ARMH3: variants seen among roughly 807,000 people sequenced by gnomAD.
The protein encoded by ARMH3 is armadillo-like helical domain-containing protein 3.
Under a neutral mutation model 99.1 loss-of-function variants are expected in ARMH3, and 60 were observed. The ratio of observed to expected loss-of-function variants is 0.61; its 90% CI spans 0.49 to 0.75. The LOEUF (loss-of-function observed/expected upper bound fraction) is 0.75, where lower values mean the gene tolerates loss of function less well. Ranked by LOEUF, ARMH3 falls within the 30% of genes least tolerant of loss-of-function variation. The pLI, the probability that ARMH3 is intolerant of heterozygous loss-of-function variation, is 0.00. For synonymous variants in ARMH3, 285 were observed against 292.8 expected, an observed-to-expected ratio of 0.97 and a Z score of 0.27; for missense variants, 679 against 843.1, an observed-to-expected ratio of 0.81 and a Z score of 2.41.
intron 23 of ARMH3, among the ~76,000 whole-genome samples, chr10:101,919,863 A>G (rs948674274): frequency 2.0e-5 from 3 of 151,944 alleles, no homozygotes; most frequent in Non-Finnish European, 4.4e-5. Flanking sequence ...GTAGATTCTT[A>G]TCCTCTGCCT....
intron 4 of ARMH3, among the ~76,000 whole-genome samples, chr10:102,032,139 T>C (rs1014611124): frequency 1.8e-4 from 28 of 151,994 alleles, no homozygotes; most frequent in African/African-American, 6.5e-4. Flanking sequence ...TTTGTCACCA[T>C]TCATTCAATA....
intron 20 of ARMH3, among the ~76,000 whole-genome samples, chr10:101,960,549 G>A (rs1845247650): frequency 2.0e-5 from 3 of 152,106 alleles, no homozygotes; most frequent in Admixed American, 2.0e-4. Context: ...TGGTGACTAA[G>A]CTGGGACTAG....
chr10:101,954,826 T>C (rs1326441077), intron 22 of ARMH3, among the ~76,000 whole-genome samples: 1 of 152,228 alleles, frequency 6.6e-6, no homozygotes, highest in African/African-American at 2.4e-5. Flanking sequence ...CTAGTTAACA[T>C]TTTTACTCCC....
chr10:101,963,746 T>C (rs985511407), intron 20 of ARMH3, among the ~76,000 whole-genome samples: 2 of 148,438 alleles, frequency 1.3e-5, no homozygotes, highest in African/African-American at 5.0e-5. Context: ...ATTACAGGCA[T>C]GGGCCACTGC....
chr10:102,035,773 G>A (rs1238752926), intron 2 of ARMH3, among the ~76,000 whole-genome samples: 2 of 152,220 alleles, frequency 1.3e-5, no homozygotes, highest in South Asian at 4.1e-4. Context: ...CCTCCCAGCC[G>A]CCTGCCTTGG....
chr10:102,049,083 A>G (rs2067627970), intron 1 of ARMH3, among the ~76,000 whole-genome samples: 1 of 151,938 alleles, frequency 6.6e-6, no homozygotes, highest in African/African-American at 2.4e-5. Context: ...CACTTGCTAG[A>G]TCACATCCTA....
chr10:101,886,068 A>AG (rs2067534133), intron 24 of ARMH3, among the ~76,000 whole-genome samples: 1 of 151,812 alleles, frequency 6.6e-6, no homozygotes, highest in Admixed American at 6.6e-5. Context: ...AAAAAAAAAA[A>AG]GGGGGTTAAA....
At chr10:101,851,070 C>CT (rs1416265183) in intron 24 of ARMH3, among the ~76,000 whole-genome samples, 1 of 152,206 alleles carries the variant, frequency 6.6e-6, no homozygotes, top group Admixed American at 6.5e-5. Context: ...CTGGATTGAA[C>CT]TTTAGGGCAT....
intron 24 of ARMH3, among the ~76,000 whole-genome samples, chr10:101,858,277 G>T (rs1395816742): frequency 1.3e-5 from 2 of 152,202 alleles, no homozygotes; most frequent in African/African-American, 4.8e-5. Flanking sequence ...TTAAGAGCAC[G>T]GCTCTAGAGT....
chr10:101,910,487 T>C (rs2135543640), intron 23 of ARMH3, among the ~76,000 whole-genome samples: 1 of 152,274 alleles, frequency 6.6e-6, no homozygotes. Flanking sequence ...CCCAGCATTT[T>C]GGGAGGCCGA....
chr10:101,974,210 T>G (rs930747414), intron 20 of ARMH3, among the ~76,000 whole-genome samples: 9 of 152,174 alleles, frequency 5.9e-5, no homozygotes, highest in Admixed American at 5.9e-4. Flanking sequence ...TAACTAAAGA[T>G]CTCTACTTCC....
At chr10:101,907,983 T>TA (rs1181452199) in intron 23 of ARMH3, among the ~76,000 whole-genome samples, 2 of 152,222 alleles carry the variant, frequency 1.3e-5, no homozygotes, top group African/African-American at 2.4e-5. Flanking sequence ...AAGGAATTTT[T>TA]AGCCAACCCA....
intron 20 of ARMH3, among the ~76,000 whole-genome samples, chr10:101,959,235 G>A (rs577427367): frequency 1.3e-4 from 20 of 152,086 alleles, no homozygotes; most frequent in Non-Finnish European, 2.9e-4. Context: ...AGGAATAATG[G>A]GGCTAGCTAA....
intron 22 of ARMH3, among the ~76,000 whole-genome samples, chr10:101,953,976 G>C (rs966256059): frequency 5.3e-5 from 8 of 152,130 alleles, no homozygotes; most frequent in African/African-American, 1.9e-4. Flanking sequence ...CAGGTTGCTT[G>C]AGCCCAGGAG....
At chr10:101,885,011 A>G (rs567243634) in intron 24 of ARMH3, among the ~76,000 whole-genome samples, 1 of 152,352 alleles carries the variant, frequency 6.6e-6, no homozygotes, top group East Asian at 1.9e-4. Context: ...GGACTTGAAA[A>G]GAATTTCTCC....
At chr10:101,871,872 A>G (rs2067138956) in intron 24 of ARMH3, among the ~76,000 whole-genome samples, 1 of 151,984 alleles carries the variant, frequency 6.6e-6, no homozygotes, top group African/African-American at 2.4e-5. Context: ...GTGGTGGTGC[A>G]CGCTTGTAAT....
intron 18 of ARMH3, 28 bp downstream of exon 18, chr10:101,991,940 CA>C (rs769918948): frequency 3.8e-6 from 6 of 1,589,560 alleles, no homozygotes; most frequent in Non-Finnish European, 5.2e-6. Context: ...TGTCACAGAA[CA>C]ATGTCAATGT....
intron 24 of ARMH3, among the ~76,000 whole-genome samples, chr10:101,876,053 C>T (rs1302120176): frequency 1.3e-5 from 2 of 151,960 alleles, no homozygotes; most frequent in Non-Finnish European, 2.9e-5. Context: ...TTGAGACCAT[C>T]CTGGCCAACA....
intron 23 of ARMH3, among the ~76,000 whole-genome samples, chr10:101,924,832 A>G (rs1213745598): frequency 1.3e-5 from 2 of 151,936 alleles, no homozygotes; most frequent in African/African-American, 4.8e-5. Flanking sequence ...CATCTCTACT[A>G]AAAATACAAA....
Sources: allele counts gnomAD v4.1 joint callset (sites outside exome capture counted in the v4.1 genomes callset), GRCh38; gene constraint gnomAD v4.1.1; transcripts MANE v1.5; gene names NCBI Gene and HGNC (gene_info 2026-07-23, HGNC 2026-07-21).